The following ZFAND3 variants were observed in gnomAD, a reference collection of about 807,000 sequenced individuals.
ZFAND3 encodes zinc finger AN1-type containing 3.
ZFAND3 carries 10 observed loss-of-function variants against 29.6 expected under a neutral mutation model. The observed-to-expected ratio is 0.34, with a 90% CI of 0.21 to 0.57. The LOEUF is 0.57. Ranked by LOEUF, ZFAND3 falls within the 20% of genes least tolerant of loss-of-function variation. ZFAND3 has a pLI of 0.86. For synonymous variants in ZFAND3, 128 were observed against 112.6 expected (o/e 1.14, Z -0.87); for missense variants, 230 against 304.5 (o/e 0.76, Z 1.82).
chr6:37,976,502 T>G (rs1040292542), intron 2 of ZFAND3, among the ~76,000 whole-genome samples: 1 of 149,024 alleles, frequency 6.7e-6, no homozygotes, highest in Admixed American at 6.8e-5. Context: ...AAGAATCACT[T>G]GAGCCCCGGA....
intron 1 of ZFAND3, among the ~76,000 whole-genome samples, chr6:37,858,880 T>A (rs1764430423): frequency 6.6e-6 from 1 of 152,220 alleles, no homozygotes; most frequent in South Asian, 2.1e-4. Context: ...CCTTTTTTGA[T>A]TTTACCAGTA....
At chr6:37,961,196 T>C (rs1449879917) in intron 2 of ZFAND3, among the ~76,000 whole-genome samples, 1 of 152,204 alleles carries the variant, frequency 6.6e-6, no homozygotes, top group East Asian at 1.9e-4. Context: ...AGTGAGTCAC[T>C]GCCAGGTGGT....
Position 38,154,013 on chromosome 6 carries a change from C to CCCACCCT in ZFAND3, c.*1631_*1637dup. ...TACTGAAATAGGAAGTCATGCTCTT[C>CCCACCCT]CCACCCTCCACCCACCAGAGTGGAA... On this transcript the variant is annotated 3_prime_UTR_variant, in exon 6 of 6. Transcript: ENST00000287218. 1 of 985,540 alleles carries CCCACCCT rather than the reference C, an allele frequency of 1.0e-6. No homozygotes were observed. The highest frequency in any genetic ancestry group is 1.2e-6 in the Non-Finnish European group (1 of 829,966). 61.0% of individuals were successfully genotyped at this position (985,540 alleles called of 1,614,324 possible).
intron 2 of ZFAND3, among the ~76,000 whole-genome samples, chr6:37,984,693 C>T (rs1409876769): frequency 1.3e-5 from 2 of 152,216 alleles, no homozygotes; most frequent in African/African-American, 2.4e-5. Flanking sequence ...TGGACTTCTA[C>T]ATTCCAGCAT....
intron 1 of ZFAND3, among the ~76,000 whole-genome samples, chr6:37,891,252 C>T (rs1214273739): frequency 6.6e-6 from 1 of 152,084 alleles, no homozygotes; most frequent in Non-Finnish European, 1.5e-5. Context: ...CAGTGCTGCT[C>T]TCCCTTTGAT....
chr6:38,116,472 G>A (rs969554383), intron 4 of ZFAND3, 100 bp from the exon 5 acceptor site: 22 of 1,380,072 alleles, frequency 1.6e-5, no homozygotes, highest in Admixed American at 1.0e-4. Flanking sequence ...CCTGGACAAG[G>A]GCAGTAGCCT....
At chr6:37,824,391 G>A (rs561639168) in intron 1 of ZFAND3, among the ~76,000 whole-genome samples, 18 of 151,754 alleles carry the variant, frequency 1.2e-4, no homozygotes, top group Non-Finnish European at 2.1e-4. Context: ...CAAATGTGAA[G>A]ACCTAGAATA....
intron 2 of ZFAND3, among the ~76,000 whole-genome samples, chr6:38,030,113 G>T (rs1213739139): frequency 1.8e-5 from 2 of 112,688 alleles, no homozygotes; most frequent in Non-Finnish European, 3.6e-5. Flanking sequence ...GCCTGAGAAG[G>T]TCTTCTTTTC....
At chr6:38,127,228 T>A (rs1562009388) in intron 5 of ZFAND3, among the ~76,000 whole-genome samples, 2 of 152,220 alleles carry the variant, frequency 1.3e-5, no homozygotes, top group Non-Finnish European at 2.9e-5. Flanking sequence ...TTTTCATAGC[T>A]GCCCCCCACA....
chr6:38,114,597 C>T (rs1765381054), intron 4 of ZFAND3, among the ~76,000 whole-genome samples: 1 of 152,192 alleles, frequency 6.6e-6, no homozygotes, highest in Non-Finnish European at 1.5e-5. Flanking sequence ...TGGTGCAGGG[C>T]CTCCATATGC....
intron 1 of ZFAND3, among the ~76,000 whole-genome samples, chr6:37,843,630 C>G (rs1433514946): frequency 6.6e-6 from 1 of 152,076 alleles, no homozygotes; most frequent in Non-Finnish European, 1.5e-5. Flanking sequence ...CCACATTATT[C>G]CTGTTTAGAG....
intron 4 of ZFAND3, among the ~76,000 whole-genome samples, chr6:38,099,713 T>C (rs1405649242): frequency 6.6e-6 from 1 of 152,246 alleles, no homozygotes; most frequent in East Asian, 1.9e-4. Context: ...AAAAAGACTA[T>C]AGCAGACAAT....
At chr6:38,124,471 G>A (rs1371874909) in intron 5 of ZFAND3, among the ~76,000 whole-genome samples, 2 of 152,174 alleles carry the variant, frequency 1.3e-5, no homozygotes, top group African/African-American at 4.8e-5. Flanking sequence ...CAGGTCCTGA[G>A]CCCTGCCCTG....
At chr6:37,948,603 C>A (rs1198868950) in intron 2 of ZFAND3, among the ~76,000 whole-genome samples, 1 of 152,176 alleles carries the variant, frequency 6.6e-6, no homozygotes. Context: ...TTGATCCTCA[C>A]CCTCCTTCCA....
At position 37,947,263 on chromosome 6, in the gene ZFAND3, A is replaced by G. The variant is rs143786026; in HGVS notation, c.112+17264A>G. ...CTATAGTAGAGAGCAGAAAATAAAAATATTTCCAGAAATAAAACTGAGATT... is the reference window on the plus strand; with the variant it reads ...CTATAGTAGAGAGCAGAAAATAAAAGTATTTCCAGAAATAAAACTGAGATT... On this transcript the variant is annotated intron_variant, in intron 2 of 5. Transcript: ENST00000287218. Among the ~76,000 whole-genome samples, 611 of 152,310 alleles carry G rather than the reference A, an allele frequency of 4.0e-3. 4 individuals are homozygous for G. The highest frequency in any genetic ancestry group is 0.013 in the African/African-American group (548 of 41,562).
chr6:37,897,575 C>A (rs967616024), intron 1 of ZFAND3, among the ~76,000 whole-genome samples: 1 of 152,138 alleles, frequency 6.6e-6, no homozygotes, highest in African/African-American at 2.4e-5. Context: ...TAAGCTTTTG[C>A]GGTAGTGGCT....
intron 1 of ZFAND3, among the ~76,000 whole-genome samples, chr6:37,864,538 A>G (rs1021006568): frequency 2.0e-5 from 3 of 152,182 alleles, no homozygotes; most frequent in African/African-American, 7.2e-5. Context: ...ATAATTCTAA[A>G]TGAGGATTAT....
At chr6:37,899,999 T>C (rs1765290206) in intron 1 of ZFAND3, among the ~76,000 whole-genome samples, 1 of 152,220 alleles carries the variant, frequency 6.6e-6, no homozygotes, top group Admixed American at 6.5e-5. Flanking sequence ...GTATGTAGAA[T>C]TACGTCATTC....
intron 1 of ZFAND3, among the ~76,000 whole-genome samples, chr6:37,822,602 A>G (rs1020853458): frequency 1.3e-5 from 2 of 152,194 alleles, no homozygotes; most frequent in East Asian, 3.8e-4. Flanking sequence ...GGCAGGGGGC[A>G]CAGGGAAGTA....
Sources: gnomAD v4.1 joint callset for allele counts (sites outside exome capture counted in the v4.1 genomes callset) on GRCh38, gnomAD v4.1.1 for gene constraint, MANE v1.5 for transcripts, NCBI Gene and HGNC (gene_info 2026-07-23, HGNC 2026-07-21) for gene names.